The following PCDH15 variants were observed in gnomAD, a reference collection of about 807,000 sequenced individuals.
PCDH15 encodes protocadherin related 15.
Under a neutral mutation model 178.5 loss-of-function variants are expected in PCDH15, and 129 were observed. The observed-to-expected ratio is 0.72, with a 90% CI of 0.63 to 0.84. PCDH15 has a LOEUF of 0.84. Among genes scored for constraint, PCDH15 ranks in the 40% least tolerant of loss-of-function variants. The pLI, the probability that PCDH15 is intolerant of heterozygous loss-of-function variation, is 0.00. For missense variants in PCDH15, 2,230 were observed against 2,099.9 expected, an observed-to-expected ratio of 1.06 and a Z score of -1.21; for synonymous variants, 800 against 732.0, an observed-to-expected ratio of 1.09 and a Z score of -1.50.
At chr10:55,276,397 T>C (rs969581855) in intron 1 of PCDH15, among the ~76,000 whole-genome samples, 1 of 151,370 alleles carries the variant, frequency 6.6e-6, no homozygotes, top group South Asian at 2.1e-4. Context: ...ATTTTCATAG[T>C]ATTTCTAATT....
chr10:55,264,280 G>A (rs997102363), intron 1 of PCDH15, among the ~76,000 whole-genome samples: 5 of 152,116 alleles, frequency 3.3e-5, no homozygotes, highest in Non-Finnish European at 7.3e-5. Flanking sequence ...CCAGGCCACA[G>A]GCACAATATA....
At chr10:55,038,957 T>C (rs572085626) in intron 2 of PCDH15, among the ~76,000 whole-genome samples, 10 of 152,162 alleles carry the variant, frequency 6.6e-5, no homozygotes, top group Non-Finnish European at 1.3e-4. Context: ...CACTATATAG[T>C]CGTCTTTATT....
chr10:55,476,226 G>A (rs974226122), intron 2 of PCDH15, among the ~76,000 whole-genome samples: 5 of 151,614 alleles, frequency 3.3e-5, no homozygotes, highest in African/African-American at 9.7e-5. Flanking sequence ...AGAGGGCCCC[G>A]GGCACTTTCC....
chr10:54,640,045 T>C (rs2093955176), intron 2 of PCDH15, among the ~76,000 whole-genome samples: 1 of 152,050 alleles, frequency 6.6e-6, no homozygotes, highest in Non-Finnish European at 1.5e-5. Flanking sequence ...CGGTCATACC[T>C]GTGAATAGCA....
intron 5 of PCDH15, among the ~76,000 whole-genome samples, chr10:54,359,653 C>A (rs1945676440): frequency 1.3e-5 from 2 of 151,764 alleles, no homozygotes; most frequent in Admixed American, 6.6e-5. Flanking sequence ...TATTTGTCAA[C>A]AAATTTAATA....
At chr10:53,920,092 C>T (rs146903608) in intron 25 of PCDH15, among the ~76,000 whole-genome samples, 375 of 152,184 alleles carry the variant, frequency 2.5e-3, no homozygotes, top group Non-Finnish European at 4.2e-3. Flanking sequence ...AAAGTAAAAA[C>T]AGTATGGATA....
chr10:54,405,659 C>T (rs1175466609), intron 3 of PCDH15, among the ~76,000 whole-genome samples: 1 of 150,668 alleles, frequency 6.6e-6, no homozygotes, highest in Non-Finnish European at 1.5e-5. Context: ...ACATAACAAA[C>T]ATGGACATGT....
intron 2 of PCDH15, among the ~76,000 whole-genome samples, chr10:55,542,465 T>G (rs992493366): frequency 4.0e-5 from 6 of 150,950 alleles, no homozygotes; most frequent in African/African-American, 1.2e-4. Flanking sequence ...TAATACGTAT[T>G]TTAATATGCT....
chr10:55,019,284 T>C (rs1035334487), intron 2 of PCDH15, among the ~76,000 whole-genome samples: 1 of 152,190 alleles, frequency 6.6e-6, no homozygotes, highest in Non-Finnish European at 1.5e-5. Context: ...AAATTACATG[T>C]AGATATTTAA....
intron 8 of PCDH15, among the ~76,000 whole-genome samples, chr10:54,305,032 G>T (rs1564916252): frequency 6.6e-6 from 1 of 151,934 alleles, no homozygotes; most frequent in Non-Finnish European, 1.5e-5. Flanking sequence ...TTATACTATG[G>T]CTTCTTAAAA....
intron 2 of PCDH15, among the ~76,000 whole-genome samples, chr10:55,510,804 T>A (rs1840863064): frequency 6.7e-6 from 1 of 150,102 alleles, no homozygotes; most frequent in East Asian, 2.0e-4. Context: ...TATAAGCATA[T>A]GTATTCATTT....
chr10:55,321,535 C>T (rs1038427699), upstream of PCDH15, among the ~76,000 whole-genome samples: 1 of 152,050 alleles, frequency 6.6e-6, no homozygotes, highest in Admixed American at 6.6e-5. Context: ...AAAAGACCAT[C>T]CTGAAGACAC....
At chr10:54,682,749 G>T (rs2094922530) in intron 1 of PCDH15, among the ~76,000 whole-genome samples, 1 of 152,120 alleles carries the variant, frequency 6.6e-6, no homozygotes, top group Non-Finnish European at 1.5e-5. Flanking sequence ...ATGTGTGTGT[G>T]CATAGTGATG....
chr10:54,589,510 T>C (rs1477345506), intron 2 of PCDH15, among the ~76,000 whole-genome samples: 2 of 152,158 alleles, frequency 1.3e-5, no homozygotes, highest in African/African-American at 4.8e-5. Flanking sequence ...ATATGAACTC[T>C]TTGTTTATTA....
At chr10:55,327,165 A>G (rs957715946) in intron 2 of PCDH15, among the ~76,000 whole-genome samples, 1 of 152,094 alleles carries the variant, frequency 6.6e-6, no homozygotes, top group Non-Finnish European at 1.5e-5. Context: ...ACGAGACCCC[A>G]GCAATATATC....
chr10:55,155,763 G>A (rs2254687), intron 2 of PCDH15, among the ~76,000 whole-genome samples: 60,815 of 151,748 alleles, frequency 0.4, 12,843 homozygotes, highest in African/African-American at 0.54. Flanking sequence ...TCCCTGATGA[G>A]TAAACTGACA....
intron 28 of PCDH15, among the ~76,000 whole-genome samples, chr10:53,842,268 G>C (rs781629722): frequency 6.6e-6 from 1 of 152,058 alleles, no homozygotes; most frequent in East Asian, 1.9e-4. Flanking sequence ...TTGTTTGTTT[G>C]CTTTTTGAGA....
intron 8 of PCDH15, among the ~76,000 whole-genome samples, chr10:54,295,586 T>A (rs922281642): frequency 2.6e-5 from 4 of 152,126 alleles, no homozygotes; most frequent in Non-Finnish European, 5.9e-5. Context: ...AAGAAGAAAC[T>A]CTGGACGTAT....
At chr10:55,208,326 C>T (rs1056416727) in intron 1 of PCDH15, among the ~76,000 whole-genome samples, 1 of 152,098 alleles carries the variant, frequency 6.6e-6, no homozygotes, top group East Asian at 1.9e-4. Context: ...CTTTAGCTGC[C>T]ACTGTGTTAT....
Sources: allele counts gnomAD v4.1 joint callset (sites outside exome capture counted in the v4.1 genomes callset), GRCh38; gene constraint gnomAD v4.1.1; transcripts MANE v1.5; gene names NCBI Gene and HGNC (gene_info 2026-07-23, HGNC 2026-07-21).